Variants in ABCA7 observed in about 807,000 individuals in gnomAD.
ABCA7 encodes the protein ATP binding cassette subfamily A member 7.
Under a neutral mutation model 227.6 loss-of-function variants are expected in ABCA7, and 261 were observed. The observed-to-expected ratio is 1.15, with a 90% CI of 1.04 to 1.27. ABCA7 has a LOEUF of 1.27. Among genes scored for constraint, ABCA7 ranks in the 50% most tolerant of loss-of-function variants. The pLI, the probability that ABCA7 is intolerant of heterozygous loss-of-function variation, is 0.00. For missense variants in ABCA7, 3,331 were observed against 2,924.5 expected (o/e 1.14, Z -3.21); for synonymous variants, 1,488 against 1,279.7 (o/e 1.16, Z -3.47).
Position 1,045,100 on chromosome 19 carries a change from C to T in ABCA7, c.1314C>T (p.Val438=). 1 of 1,612,974 alleles carries T rather than the reference C, an allele frequency of 6.2e-7. No individual in the cohort carries two copies. Among genetic ancestry groups the T allele is most frequent in the Non-Finnish European group, 8.5e-7 (1 of 1,179,990 alleles). ...CGGAACATCGATTCTGGGCCGGCGT[C>T]GTCTTCTTGGGACCTGAGGACTCTT... The part of the protein sequence containing the change: ...LLAEHRFWAG[V]VFLGPEDSSD... Residue 438 remains valine (V), a synonymous_variant, in exon 12 of 47, where the codon GTC becomes GTT. Coordinates refer to ENST00000263094, the MANE Select transcript of ABCA7 (RefSeq NM_019112.4).
chr19:1,056,981 C>G lies in ABCA7; in HGVS notation c.4661C>G (p.Thr1554Ser). 6.2e-7 allele frequency: 1 copy of G among 1,614,050 alleles called. No homozygotes were observed. The highest frequency in any genetic ancestry group is 8.5e-7 in the Non-Finnish European group (1 of 1,180,030). Residue 1554 changes from threonine to serine, a missense_variant, in exon 34 of 47, where the codon ACT becomes AGT. Thr to Ser is a moderately conservative substitution (Grantham distance 58). Transcript: ENST00000263094. This position sits in a 1 kb window ranked among gnomAD's most constrained non-coding sequence, Gnocchi z 4.3. ...FAMSFVPASFTLVLIEERVTR... is the reference protein window; with the variant it reads ...FAMSFVPASFSLVLIEERVTR... ...ATGTCCTTTGTCCCGGCCAGCTTCACTCTTGTCCTCATTGAGGAGCGAGTC... is the reference window on the plus strand; with the variant it reads ...ATGTCCTTTGTCCCGGCCAGCTTCAGTCTTGTCCTCATTGAGGAGCGAGTC...
At position 1,047,618 on chromosome 19, in the gene ABCA7, G is replaced by T; in HGVS notation, c.2233G>T (p.Gly745Cys). Reference protein sequence around the residue: ...GLLLLDAALYGLATWYLEAVC... With the variant: ...GLLLLDAALYCLATWYLEAVC... Reference sequence around the variant, plus strand: ...TCTGCTGCTGGACGCGGCGCTCTACGGCCTCGCCACCTGGTACCTGGAAGC... The same window carrying T: ...TCTGCTGCTGGACGCGGCGCTCTACTGCCTCGCCACCTGGTACCTGGAAGC... The change falls in exon 16 of 47, where the codon GGC becomes TGC. Residue 745 changes from glycine (G) to cysteine (C), a missense_variant. Transcript: ENST00000263094. The T allele has an allele frequency of 1.2e-6, 2 of 1,600,696 alleles. No individual in the cohort carries two copies. Among genetic ancestry groups the T allele is most frequent in the Non-Finnish European group, 1.7e-6 (2 of 1,178,184 alleles).
intron 30 of ABCA7, 135 bp from the exon 31 acceptor site, chr19:1,055,772 G>A: frequency 2.2e-6 from 2 of 899,432 alleles, no homozygotes; most frequent in Non-Finnish European, 3.2e-6. Context: ...AAAGTGTTGG[G>A]ATTACAGGCA....
chr19:1,047,795 A>C (rs1289306180), intron 16 of ABCA7, 141 bp downstream of exon 16: 1 of 852,608 alleles, frequency 1.2e-6, no homozygotes, highest in Admixed American at 3.1e-5. Context: ...TGGCACACGC[A>C]TGCAGGTGGC....
chr19:1,048,802 C>G (rs376534445), intron 16 of ABCA7, 93 bp from the exon 17 acceptor site: 1 of 660,604 alleles, frequency 1.5e-6, no homozygotes, highest in Non-Finnish European at 2.4e-6. Context: ...GAGCAAGACT[C>G]CGTCTCAAAA....
chr19:1,058,487 C>G lies in ABCA7; in HGVS notation c.5150-131C>G. On this transcript the variant is annotated intron_variant, in intron 37 of 46. Coordinates refer to ENST00000263094, the MANE Select transcript of ABCA7 (RefSeq NM_019112.4). Reference sequence around the variant, plus strand: ...AAGAGGCCTCTTCTGTTTTCTATGCCAATTAGACTCCAGCTGAGTGGCCTA... The same window carrying G: ...AAGAGGCCTCTTCTGTTTTCTATGCGAATTAGACTCCAGCTGAGTGGCCTA... 3.4e-6 allele frequency: 5 copies of G among 1,466,080 alleles called. No individual in the cohort carries two copies. The Middle Eastern group carries it at 5.3e-4, about 154-fold the overall frequency. The allele number at this position is 1,466,080 out of a possible 1,614,324, so 90.8% of individuals were successfully genotyped here.
At chr19:1,057,119 C>A in intron 34 of ABCA7, 35 bp downstream of exon 34, 1 of 1,592,604 alleles carries the variant, frequency 6.3e-7, no homozygotes. Context: ...GGGGCCCAGC[C>A]ACTGCTTGCC....
chr19:1,042,148 C>G lies in ABCA7; in HGVS notation c.387C>G (p.Ile129Met), dbSNP rs775808026. 1.6e-5 allele frequency: 25 copies of G among 1,599,600 alleles called. No individual in the cohort carries two copies. In the South Asian group the frequency reaches 2.3e-4, roughly 15 times the overall value. Residue 129 changes from isoleucine to methionine, a missense_variant, in exon 5 of 47, where the codon ATC (isoleucine) becomes ATG (methionine). Physicochemically the swap from Ile to Met is conservative, Grantham distance 10. Coordinates refer to ENST00000263094, the MANE Select transcript of ABCA7 (RefSeq NM_019112.4). ...CGCTGGCTGGCCTAGGGAAGCTGAT[C>G]GCCACGCTGAGGGCTGCACGCAGCA... is the stretch of plus-strand genomic sequence containing the variant. Reference protein sequence around the residue: ...HRTLAGLGKLIATLRAARSTA... With the variant: ...HRTLAGLGKLMATLRAARSTA...
Position 1,041,960 on chromosome 19 carries a change from T to C in ABCA7, c.290T>C (p.Phe97Ser). ...GAGGAGCCCGGGCGCCTGAGCAACT[T>C]CAACGACTCCCTGTGAGCCAGAGGC... ...PGEEPGRLSN[F>S]NDSLVSRLLA... The change falls in exon 4 of 47, where the codon TTC (phenylalanine) becomes TCC (serine). Residue 97 changes from phenylalanine (F) to serine (S), a missense_variant. Transcript: ENST00000263094. The C allele has an allele frequency of 6.3e-7, 1 of 1,585,826 alleles. No individual in the cohort carries two copies. Among genetic ancestry groups the C allele is most frequent in the East Asian group, 2.2e-5 (1 of 44,634 alleles).
chr19:1,044,591 G>C lies in ABCA7; in HGVS notation c.1062G>C (p.Met354Ile), dbSNP rs1404156803. The change falls in exon 11 of 47, where the codon ATG becomes ATC. Residue 354 changes from methionine (M) to isoleucine (I), a missense_variant. Coordinates refer to ENST00000263094, the MANE Select transcript of ABCA7 (RefSeq NM_019112.4). ...GCGCCCCCCAGCGGCTCCTGCAGAT[G>C]CAGGATGAAGGAAGAAGGCAGCCCA... The part of the protein sequence containing the change: ...NVAMLQRLLQ[M>I]QDEGRRQPRP... 6.8e-6 allele frequency: 11 copies of C among 1,612,116 alleles called. No individual in the cohort carries two copies. The highest frequency in any genetic ancestry group is 9.3e-6 in the Non-Finnish European group (11 of 1,179,438).
chr19:1,040,515 C>G (rs969751250), intron 1 of ABCA7, among the ~76,000 whole-genome samples: 3 of 152,158 alleles, frequency 2.0e-5, no homozygotes, highest in Admixed American at 1.3e-4. Flanking sequence ...AAGGAAAGAA[C>G]CCTGGCGTAA....
rs768107424 is a variant in ABCA7, at chr19:1,041,983, G to A, written c.302+11G>A. The A allele has an allele frequency of 1.9e-6, 3 of 1,579,670 alleles. No individual in the cohort carries two copies. Among genetic ancestry groups the A allele is most frequent in the African/African-American group, 1.4e-5 (1 of 73,902 alleles). On this transcript the variant is annotated intron_variant, in intron 4 of 46. Coordinates refer to ENST00000263094, the MANE Select transcript of ABCA7 (RefSeq NM_019112.4). ...CTTCAACGACTCCCTGTGAGCCAGA[G>A]GCAGTGGGTGCGGCCGGCCTGCAAA...
chr19:1,063,039 C>T (rs1599727483), intron 42 of ABCA7, among the ~76,000 whole-genome samples: 1 of 144,742 alleles, frequency 6.9e-6, no homozygotes, highest in East Asian at 2.2e-4. Flanking sequence ...CCACCCCATA[C>T]TCATGCTGTC....
At chr19:1,044,098 GGAT>G (rs1232765659) in intron 10 of ABCA7, among the ~76,000 whole-genome samples, 1 of 150,058 alleles carries the variant, frequency 6.7e-6, no homozygotes, top group Non-Finnish European at 1.5e-5. Flanking sequence ...CACCACGCCC[GGAT>G]GATTTTTTTT....
intron 12 of ABCA7, among the ~76,000 whole-genome samples, chr19:1,045,805 C>T (rs1449803755): frequency 6.6e-6 from 1 of 151,982 alleles, no homozygotes; most frequent in African/African-American, 2.4e-5. Context: ...TCAAGACCAT[C>T]CTGACTAACT....
chr19:1,047,190 G>A lies in ABCA7; in HGVS notation c.1879G>A (p.Val627Met). 6.2e-7 allele frequency: 1 copy of A among 1,605,532 alleles called. No homozygotes were observed. Reference sequence around the variant, plus strand: ...CATCCTCCCCTACAGCCACCCGGGCGTGGTCTTCCTGTTCTTGGCAGCCTT... The same window carrying A: ...CATCCTCCCCTACAGCCACCCGGGCATGGTCTTCCTGTTCTTGGCAGCCTT... ...GDILPYSHPG[V>M]VFLFLAAFAV... The change falls in exon 15 of 47, where the codon GTG becomes ATG. Residue 627 changes from valine to methionine, a missense_variant. By Grantham distance (21) the Val-to-Met change is conservative. Coordinates refer to ENST00000263094, the MANE Select transcript of ABCA7 (RefSeq NM_019112.4).
At chr19:1,057,292 G>T in intron 34 of ABCA7, 22 bp from the exon 35 acceptor site, 1 of 1,612,204 alleles carries the variant, frequency 6.2e-7, no homozygotes, top group Non-Finnish European at 8.5e-7. Context: ...GCTGATAAAG[G>T]TAACTGCCAT....
At chr19:1,053,755 G>A in intron 24 of ABCA7, 33 bp from the exon 25 acceptor site, 1 of 1,599,912 alleles carries the variant, frequency 6.3e-7, no homozygotes, top group Non-Finnish European at 8.5e-7. Context: ...CCCTGTCGGT[G>A]TCCAGTCTCT....
Position 1,051,227 on chromosome 19 carries a change from G to A in ABCA7, c.2757G>A (p.Glu919=). ...KGLSAAVVGP[E]QDRLLQDVGL... ...TGAGTGCCGCTGTAGTGGGCCCCGA[G>A]CAGGACCGTCTGCTGCAGGATGTGG... The change falls in exon 20 of 47, where the codon GAG becomes GAA. Residue 919 remains glutamate (E), a synonymous_variant. Transcript: ENST00000263094. The A allele has an allele frequency of 6.2e-7, 1 of 1,610,882 alleles. No homozygotes were observed. The highest frequency in any genetic ancestry group is 8.5e-7 in the Non-Finnish European group (1 of 1,179,750).
Sources: allele counts gnomAD v4.1 joint callset (sites outside exome capture counted in the v4.1 genomes callset), GRCh38; gene constraint gnomAD v4.1.1; non-coding constraint Gnocchi (gnomAD v3.1); transcripts MANE v1.5; gene names NCBI Gene and HGNC (gene_info 2026-07-23, HGNC 2026-07-21).